Variants in GPT observed in about 807,000 individuals in gnomAD.
GPT encodes alanine aminotransferase 1.
A neutral mutation model predicts 51.4 loss-of-function variants in GPT; 60 were observed. The ratio of observed to expected loss-of-function variants is 1.17; its 90% CI spans 0.95 to 1.45. GPT has a LOEUF of 1.45. GPT is among the 40% of genes most tolerant of loss of function. GPT has a pLI of 0.00. For missense variants in GPT, 853 were observed against 704.0 expected, an observed-to-expected ratio of 1.21 and a Z score of -2.40; for synonymous variants, 397 against 303.1, an observed-to-expected ratio of 1.31 and a Z score of -3.22.
Position 144,504,389 on chromosome 8 carries a change from C to A in GPT, c.85C>A (p.Arg29Ser). ...GCTGACGCTGGACGGCATGAACCCG[C>A]GTGTGCGGAGAGTGGAGTACGCAGT... is the stretch of plus-strand genomic sequence containing the variant. ...KVLTLDGMNPRVRRVEYAVRG... is the reference protein window; with the variant it reads ...KVLTLDGMNPSVRRVEYAVRG... Residue 29 changes from arginine to serine, a missense_variant, in exon 1 of 11, where the codon CGT (arginine) becomes AGT (serine). Arg to Ser is a moderately radical substitution (Grantham distance 110, BLOSUM62 -1). Transcript: ENST00000394955. The A allele has an allele frequency of 6.2e-7, 1 of 1,611,830 alleles. No individual in the cohort carries two copies. The highest frequency in any genetic ancestry group is 8.5e-7 in the Non-Finnish European group (1 of 1,179,958).
At position 144,505,986 on chromosome 8, in the gene GPT, C is replaced by T. The variant is rs779299756; in HGVS notation, c.820-9C>T. 1 of 1,612,354 alleles carries T rather than the reference C, an allele frequency of 6.2e-7. No individual in the cohort carries two copies. The highest frequency in any genetic ancestry group is 2.2e-5 in the East Asian group (1 of 44,856). On this transcript the variant is annotated splice_polypyrimidine_tract_variant and intron_variant, in intron 6 of 10. Coordinates refer to ENST00000394955, the MANE Select transcript of GPT (RefSeq NM_005309.3). ...CAGTCCGCCCCCGTGACGCCTTGCG[C>T]CCTTCCAGGTGTACCAGGACAACGT...
rs1826739410 is a variant in GPT at position 144,505,299 on chromosome 8, C to T, written c.549C>T (p.Leu183=). The change falls in exon 5 of 11, where the codon CTC becomes CTT. Residue 183 remains leucine (L), a synonymous_variant. Coordinates refer to ENST00000394955, the MANE Select transcript of GPT (RefSeq NM_005309.3). Reference sequence around the variant, plus strand: ...AGGGCCACACACGCACGGGTGTGCTCATCCCCATCCCCCAGTACCCACTCT... The same window carrying T: ...AGGGCCACACACGCACGGGTGTGCTTATCCCCATCCCCCAGTACCCACTCT... ...AGEGHTRTGV[L]IPIPQYPLYS... The T allele has an allele frequency of 6.4e-7, 1 of 1,572,558 alleles. No individual in the cohort carries two copies. The highest frequency in any genetic ancestry group is 8.6e-7 in the Non-Finnish European group (1 of 1,159,440).
upstream of GPT, chr8:144,504,020 G>A (rs1826659361): frequency 3.8e-6 from 2 of 522,974 alleles, no homozygotes; most frequent in Non-Finnish European, 7.0e-6. Flanking sequence ...ACTGGGCCTT[G>A]CCCCAAGCCC....
In GPT at chr8:144,505,106, C is replaced by T. The variant is rs1826723404; in HGVS notation, c.470C>T (p.Ser157Phe). ...GCGGACCCCAACAACGTCTTCCTGT[C>T]CACAGGGGCCAGCGATGCCATCGTG... Reference protein sequence around the residue: ...IPADPNNVFLSTGASDAIVTV... With the variant: ...IPADPNNVFLFTGASDAIVTV... The change falls in exon 4 of 11, where the codon TCC becomes TTC. Residue 157 changes from serine (S) to phenylalanine (F), a missense_variant. Ser to Phe is a radical substitution (Grantham distance 155). Transcript: ENST00000394955. 2 of 1,612,992 alleles carry T rather than the reference C, an allele frequency of 1.2e-6. No individual in the cohort carries two copies. The highest frequency in any genetic ancestry group is 1.3e-5 in the African/African-American group (1 of 74,922).
rs750130376 is a variant in GPT, at chr8:144,506,899, A to G, written c.1401-11A>G. 2.7e-5 allele frequency: 43 copies of G among 1,612,236 alleles called. No individual in the cohort carries two copies. The highest frequency in any genetic ancestry group is 3.4e-5 in the Non-Finnish European group (40 of 1,179,640). ...CACCCTGGCCCTTCACTCACTGTCA[A>G]CTCCTTTCAGGATGACCATTCTGCC... On this transcript the variant is annotated splice_polypyrimidine_tract_variant and intron_variant, in intron 10 of 10. Coordinates refer to ENST00000394955, the MANE Select transcript of GPT (RefSeq NM_005309.3). This position sits in a 1 kb window ranked among gnomAD's most constrained non-coding sequence, Gnocchi z 7.0.
At position 144,505,891 on chromosome 8, in the gene GPT, C is replaced by T. The variant is rs1423125368; in HGVS notation, c.783C>T (p.Phe261=). The T allele has an allele frequency of 1.5e-5, 24 of 1,587,494 alleles. No individual in the cohort carries two copies. The highest frequency in any genetic ancestry group is 1.8e-5 in the Non-Finnish European group (21 of 1,167,614). The change falls in exon 6 of 11, where the codon TTC becomes TTT. Residue 261 remains phenylalanine, a synonymous_variant. Transcript: ENST00000394955. ...TRECIEAVIR[F]AFEERLFLLA... is the part of the protein sequence containing the mutation. The stretch of plus-strand genomic sequence containing the variant: ...AGTGCATCGAGGCCGTGATCCGCTT[C>T]GCCTTCGAAGAGCGGCTCTTTCTGC...
rs146152870 is a variant in GPT, at chr8:144,506,714, C to A, written c.1288-17C>A. 23 of 1,608,568 alleles carry A rather than the reference C, an allele frequency of 1.4e-5. No homozygotes were observed. In the African/African-American group the frequency reaches 2.8e-4, roughly 20 times the overall value. ...GGGGGGGCCGGGCATCCCTCTCTGA[C>A]GGCTCTCCGTCCACAGGAGCTGGGC... is the stretch of plus-strand genomic sequence containing the variant. On this transcript the variant is annotated splice_polypyrimidine_tract_variant and intron_variant, in intron 9 of 10. Transcript: ENST00000394955. The surrounding 1 kb of genome is among the most constrained non-coding windows in gnomAD (Gnocchi z 7.0).
rs2130620885 is a variant in GPT, at chr8:144,505,854, T to C, written c.746T>C (p.Val249Ala). 6.5e-7 allele frequency: 1 copy of C among 1,548,782 alleles called. No individual in the cohort carries two copies. Among genetic ancestry groups the C allele is most frequent in the East Asian group, 2.4e-5 (1 of 40,970 alleles). ...VINPGNPTGQ[V>A]QTRECIEAVI... is the part of the protein sequence containing the mutation. ...TGCCTCCCCGGCACCCCAGGGCAGG[T>C]GCAGACCCGCGAGTGCATCGAGGCC... Residue 249 changes from valine (V) to alanine (A), a missense_variant, in exon 6 of 11, where the codon GTG becomes GCG. By Grantham distance (64) the Val-to-Ala change is moderately conservative. Transcript: ENST00000394955.
Position 144,506,076 on chromosome 8 carries a change from G to A in GPT, c.901G>A (p.Ala301Thr), listed in dbSNP as rs1395931675. Residue 301 changes from alanine to threonine, a missense_variant, in exon 7 of 11, where the codon GCC becomes ACC. Ala to Thr is a moderately conservative substitution (Grantham distance 58). Coordinates refer to ENST00000394955, the MANE Select transcript of GPT (RefSeq NM_005309.3). The surrounding 1 kb of genome is among the most constrained non-coding windows in gnomAD (Gnocchi z 7.0). ...KVLMEMGPPY[A>T]GQQELASFHS... is the part of the protein sequence containing the mutation. ...GCTCATGGAGATGGGGCCGCCCTAC[G>A]CCGGGCAGCAGGAGCTTGCCTCCTT... The A allele has an allele frequency of 2.5e-6, 4 of 1,612,376 alleles. No individual in the cohort carries two copies. The highest frequency in any genetic ancestry group is 1.7e-5 in the Admixed American group (1 of 60,004).
At position 144,506,460 on chromosome 8, in the gene GPT, C is replaced by T. The variant is rs367895411; in HGVS notation, c.1132-41C>T. The T allele has an allele frequency of 2.7e-5, 43 of 1,575,352 alleles. No homozygotes were observed. The highest frequency in any genetic ancestry group is 4.6e-5 in the East Asian group (2 of 43,258). On this transcript the variant is annotated intron_variant, in intron 8 of 10. Transcript: ENST00000394955. The surrounding 1 kb of genome is among the most constrained non-coding windows in gnomAD (Gnocchi z 7.0). Reference sequence around the variant, plus strand: ...TGACCTAATCAGGGGTGGGGGATGCCGAGTGCCGTGCCCTGATGGGCCCTC... The same window carrying T: ...TGACCTAATCAGGGGTGGGGGATGCTGAGTGCCGTGCCCTGATGGGCCCTC...
In GPT at chr8:144,505,243, C is replaced by A; in HGVS notation, c.496-3C>A. 1 of 1,607,918 alleles carries A rather than the reference C, an allele frequency of 6.2e-7. No homozygotes were observed. The highest frequency in any genetic ancestry group is 8.5e-7 in the Non-Finnish European group (1 of 1,177,802). ...AACCCTGCCTTCCCCTTCCTTTCCGCAGACGGTGCTGAAGCTGCTGGTGGC... is the reference window on the plus strand; with the variant it reads ...AACCCTGCCTTCCCCTTCCTTTCCGAAGACGGTGCTGAAGCTGCTGGTGGC... On this transcript the variant is annotated splice_polypyrimidine_tract_variant and splice_region_variant and intron_variant, in intron 4 of 10. Transcript: ENST00000394955.
In GPT at chr8:144,504,635, G is replaced by C. The variant is rs138238489; in HGVS notation, c.194G>C (p.Arg65Pro). Reference protein sequence around the residue: ...GVKKPFTEVIRANIGDAQAMG... With the variant: ...GVKKPFTEVIPANIGDAQAMG... ...AAGAAGCCTTTCACCGAGGTCATCC[G>C]TGCCAACATCGGGGACGCACAGGCT... The change falls in exon 2 of 11, where the codon CGT (arginine) becomes CCT (proline). Residue 65 changes from arginine to proline, a missense_variant. Coordinates refer to ENST00000394955, the MANE Select transcript of GPT (RefSeq NM_005309.3). 1.9e-6 allele frequency: 3 copies of C among 1,613,154 alleles called. No individual in the cohort carries two copies. The highest frequency in any genetic ancestry group is 2.7e-5 in the African/African-American group (2 of 74,928).
At position 144,506,681 on chromosome 8, in the gene GPT, G is replaced by T. The variant is rs778598396; in HGVS notation, c.1287+25G>T. ...GGTCAGGCGGGGGCGGGGCCTGCGG[G>T]GTGGGCAGGGGGGGCCGGGCATCCC... On this transcript the variant is annotated intron_variant, in intron 9 of 10. Coordinates refer to ENST00000394955, the MANE Select transcript of GPT (RefSeq NM_005309.3). This position sits in a 1 kb window ranked among gnomAD's most constrained non-coding sequence, Gnocchi z 7.0. 6.3e-7 allele frequency: 1 copy of T among 1,578,688 alleles called. No individual in the cohort carries two copies. The highest frequency in any genetic ancestry group is 8.6e-7 in the Non-Finnish European group (1 of 1,162,170).
Position 144,504,623 on chromosome 8 carries a change from C to G in GPT, c.182C>G (p.Thr61Ser). 1 of 1,613,202 alleles carries G rather than the reference C, an allele frequency of 6.2e-7. No individual in the cohort carries two copies. Among genetic ancestry groups the G allele is most frequent in the Non-Finnish European group, 8.5e-7 (1 of 1,180,002 alleles). ...TCCCAGGGTGTGAAGAAGCCTTTCA[C>G]CGAGGTCATCCGTGCCAACATCGGG... ...ELRQGVKKPF[T>S]EVIRANIGDA... is the part of the protein sequence containing the mutation. The change falls in exon 2 of 11, where the codon ACC (threonine) becomes AGC (serine). Residue 61 changes from threonine (T) to serine (S), a missense_variant. Coordinates refer to ENST00000394955, the MANE Select transcript of GPT (RefSeq NM_005309.3).
Position 144,506,352 on chromosome 8 carries a change from C to T in GPT, c.1077C>T (p.Asp359=), listed in dbSNP as rs762170689. 6.3e-7 allele frequency: 1 copy of T among 1,575,746 alleles called. No homozygotes were observed. The highest frequency in any genetic ancestry group is 8.6e-7 in the Non-Finnish European group (1 of 1,164,806). Residue 359 remains aspartate, a synonymous_variant, in exon 8 of 11, where the codon GAC becomes GAT. Transcript: ENST00000394955. This position sits in a 1 kb window ranked among gnomAD's most constrained non-coding sequence, Gnocchi z 7.0. ...CGGTGCCAGGACAGGCCCTGCTGGA[C>T]CTGGTGGTCAGCCCGCCCGCGCCCA... The part of the protein sequence containing the change: ...CPPVPGQALL[D]LVVSPPAPTD...
At position 144,505,854 on chromosome 8, in the gene GPT, T is replaced by G; in HGVS notation, c.746T>G (p.Val249Gly). 6.5e-7 allele frequency: 1 copy of G among 1,548,782 alleles called. No homozygotes were observed. The highest frequency in any genetic ancestry group is 1.2e-5 in the South Asian group (1 of 84,878). ...VINPGNPTGQ[V>G]QTRECIEAVI... ...TGCCTCCCCGGCACCCCAGGGCAGG[T>G]GCAGACCCGCGAGTGCATCGAGGCC... The change falls in exon 6 of 11, where the codon GTG becomes GGG. Residue 249 changes from valine to glycine, a missense_variant. Transcript: ENST00000394955.
rs769967846 is a variant in GPT at position 144,505,311 on chromosome 8, C to A, written c.561C>A (p.Pro187=). The A allele has an allele frequency of 6.4e-7, 1 of 1,570,546 alleles. No homozygotes were observed. Among genetic ancestry groups the A allele is most frequent in the Non-Finnish European group, 8.6e-7 (1 of 1,158,328 alleles). Residue 187 remains proline (P), a synonymous_variant, in exon 5 of 11, where the codon CCC becomes CCA. Transcript: ENST00000394955. Reference sequence around the variant, plus strand: ...GCACGGGTGTGCTCATCCCCATCCCCCAGTACCCACTCTACTCGGCCACGC... The same window carrying A: ...GCACGGGTGTGCTCATCCCCATCCCACAGTACCCACTCTACTCGGCCACGC... ...HTRTGVLIPI[P]QYPLYSATLA...
At position 144,506,674 on chromosome 8, in the gene GPT, C is replaced by T; in HGVS notation, c.1287+18C>T. The T allele has an allele frequency of 1.3e-6, 2 of 1,496,390 alleles. No homozygotes were observed. The highest frequency in any genetic ancestry group is 1.8e-6 in the Non-Finnish European group (2 of 1,095,724). The allele number at this position is 1,496,390 out of a possible 1,614,324, so 92.7% of individuals were successfully genotyped here. On this transcript the variant is annotated intron_variant, in intron 9 of 10. Coordinates refer to ENST00000394955, the MANE Select transcript of GPT (RefSeq NM_005309.3). The surrounding 1 kb of genome is among the most constrained non-coding windows in gnomAD (Gnocchi z 7.0). ...GCGCTCAGGTCAGGCGGGGGCGGGG[C>T]CTGCGGGGTGGGCAGGGGGGGCCGG...
intron 1 of GPT, 21 bp from the exon 2 acceptor site, chr8:144,504,583 C>A: frequency 1.2e-6 from 2 of 1,611,164 alleles, no homozygotes; most frequent in Non-Finnish European, 1.7e-6. Context: ...AGTCTCCCTG[C>A]CTGCTCCCCT....
Sources: allele counts gnomAD v4.1 joint callset, GRCh38; gene constraint gnomAD v4.1.1; non-coding constraint Gnocchi (gnomAD v3.1); transcripts MANE v1.5; gene names NCBI Gene and HGNC (gene_info 2026-07-23, HGNC 2026-07-21).